Variants in SHANK2 observed in about 807,000 individuals in gnomAD.
SHANK2 encodes SH3 and multiple ankyrin repeat domains 2.
A neutral mutation model predicts 133.7 loss-of-function variants in SHANK2; 43 were observed. The observed-to-expected ratio is 0.32, with a 90% CI of 0.25 to 0.41. SHANK2 has a LOEUF of 0.41. Among genes scored for constraint, SHANK2 ranks in the 10% least tolerant of loss-of-function variants. The probability of loss-of-function intolerance (pLI) is 1.00; values close to 1 mark genes in which losing one functional copy is unlikely to be tolerated. For synonymous variants in SHANK2, 1,017 were observed against 952.8 expected, an observed-to-expected ratio of 1.07 and a Z score of -1.24; for missense variants, 1,994 against 2,235.8, an observed-to-expected ratio of 0.89 and a Z score of 2.18.
At chr11:70,950,542 C>T (rs1950818489) in intron 10 of SHANK2, among the ~76,000 whole-genome samples, 1 of 152,218 alleles carries the variant, frequency 6.6e-6, no homozygotes, top group Admixed American at 6.5e-5. Context: ...GGGCTCTACC[C>T]TCATGATGTA....
chr11:70,730,906 A>T (rs1555032008), intron 14 of SHANK2, among the ~76,000 whole-genome samples: 1 of 150,002 alleles, frequency 6.7e-6, no homozygotes. Context: ...ATTTGTTGGC[A>T]GTTAACACAT....
intron 2 of SHANK2, among the ~76,000 whole-genome samples, chr11:71,192,157 G>A (rs1177236543): frequency 1.3e-5 from 2 of 152,138 alleles, no homozygotes; most frequent in Non-Finnish European, 2.9e-5. Flanking sequence ...CACCACACCC[G>A]GCCTTCATCT....
chr11:71,226,454 AC>A (rs1954646018), intron 1 of SHANK2: 1 of 152,252 alleles, frequency 6.6e-6, no homozygotes, highest in African/African-American at 2.4e-5. Context: ...CAGAAGCTGA[AC>A]GAATCCCAAA....
chr11:70,564,668 C>T (rs1211484304), intron 17 of SHANK2, among the ~76,000 whole-genome samples: 1 of 152,020 alleles, frequency 6.6e-6, no homozygotes, highest in African/African-American at 2.4e-5. Flanking sequence ...GACTGATGTT[C>T]TTTTAAAAAG....
chr11:71,241,070 C>A (rs1954882859), intron 1 of SHANK2: 1 of 152,112 alleles, frequency 6.6e-6, no homozygotes, highest in African/African-American at 2.4e-5. Context: ...TTGGTACAAC[C>A]CCTGGGAAAG....
chr11:70,892,683 G>C (rs1949866877), intron 11 of SHANK2, among the ~76,000 whole-genome samples: 1 of 152,152 alleles, frequency 6.6e-6, no homozygotes, highest in Non-Finnish European at 1.5e-5. Context: ...TCGGTGCCCT[G>C]CCTGCATCTC....
chr11:70,617,996 A>T (rs1184214210), intron 17 of SHANK2, among the ~76,000 whole-genome samples: 4 of 152,100 alleles, frequency 2.6e-5, no homozygotes, highest in East Asian at 3.8e-4. Flanking sequence ...AATAATAATA[A>T]AAAAAAGATG....
chr11:71,103,260 A>C (rs1951747601), intron 6 of SHANK2, among the ~76,000 whole-genome samples: 1 of 152,220 alleles, frequency 6.6e-6, no homozygotes, highest in Non-Finnish European at 1.5e-5. Context: ...TACAGAGCTG[A>C]GGCCTGGCAA....
In SHANK2 at chr11:70,500,634, C is replaced by T. The variant is rs377169055; in HGVS notation, c.2288-44G>A. On this transcript the variant is annotated intron_variant, in intron 20 of 25. Transcript: ENST00000601538. The surrounding 1 kb of genome is among the most constrained non-coding windows in gnomAD (Gnocchi z 4.5). ...ACCGCCATGAGCCACCAGGATGCAG[C>T]GCCCGCCCGCAGCCTACACTCGGGC... The T allele has an allele frequency of 7.3e-5, 115 of 1,585,872 alleles. 1 individual carries two copies. The East Asian group carries it at 1.9e-3, about 26-fold the overall frequency.
At chr11:70,698,817 C>A (rs782818182) in intron 14 of SHANK2, 54 bp from the exon 15 acceptor site, 1 of 718,086 alleles carries the variant, frequency 1.4e-6, no homozygotes, top group South Asian at 1.5e-5. Flanking sequence ...TCCCCGAACG[C>A]GGAACCCACA....
At chr11:70,811,502 C>A (rs1251523261) in intron 12 of SHANK2, among the ~76,000 whole-genome samples, 1 of 152,048 alleles carries the variant, frequency 6.6e-6, no homozygotes, top group African/African-American at 2.4e-5. Context: ...CCTCCTTGCC[C>A]AAATACCTGT....
At chr11:71,182,358 C>T (rs896750405) in intron 2 of SHANK2, among the ~76,000 whole-genome samples, 27 of 152,134 alleles carry the variant, frequency 1.8e-4, no homozygotes, top group African/African-American at 5.6e-4. Flanking sequence ...GGGACTACCA[C>T]GACAAAGTAC....
In SHANK2 at chr11:70,741,988, C is replaced by T. The variant is rs140711181; in HGVS notation, c.1778-43225G>A. On this transcript the variant is annotated intron_variant, in intron 14 of 25. Coordinates refer to ENST00000601538, the MANE Select transcript of SHANK2 (RefSeq NM_012309.5). ...GAATTCCAGATTCCCACCTGGTTCCCCTGCTGCCCCAGCTACAGGACTGGT... is the reference window on the plus strand; with the variant it reads ...GAATTCCAGATTCCCACCTGGTTCCTCTGCTGCCCCAGCTACAGGACTGGT... Among the ~76,000 whole-genome samples, 10 of 152,304 alleles carry T rather than the reference C, an allele frequency of 6.6e-5. No homozygotes were observed. The East Asian group carries it at 1.5e-3, about 24-fold the overall frequency.
chr11:70,850,601 C>T (rs1431073588), intron 11 of SHANK2, among the ~76,000 whole-genome samples: 5 of 152,226 alleles, frequency 3.3e-5, no homozygotes, highest in Admixed American at 2.6e-4. Context: ...CCGAGCTGAG[C>T]TCTCTCCCAA....
intron 14 of SHANK2, among the ~76,000 whole-genome samples, chr11:70,716,957 T>G (rs1945943279): frequency 7.0e-6 from 1 of 142,460 alleles, no homozygotes; most frequent in Admixed American, 6.9e-5. Context: ...TCGGCCTTTG[T>G]GGGCAAGAGG....
rs144338297 is a variant in SHANK2 at position 71,211,459 on chromosome 11, G to A, written c.-13+13238C>T. Reference sequence around the variant, plus strand: ...GGGCTGAGGCGAGAGAATCACTTCAGCTAGGGAGGTCAAAGCTGCAGTGAG... The same window carrying A: ...GGGCTGAGGCGAGAGAATCACTTCAACTAGGGAGGTCAAAGCTGCAGTGAG... On this transcript the variant is annotated intron_variant, in intron 2 of 25. Coordinates refer to ENST00000601538, the MANE Select transcript of SHANK2 (RefSeq NM_012309.5). Among the ~76,000 whole-genome samples, 316 of 151,852 alleles carry A rather than the reference G, an allele frequency of 2.1e-3. 5 individuals carry two copies. The highest frequency in any genetic ancestry group is 7.4e-3 in the African/African-American group (306 of 41,416).
intron 10 of SHANK2, among the ~76,000 whole-genome samples, chr11:70,909,872 G>T (rs1238972765): frequency 6.6e-6 from 1 of 152,218 alleles, no homozygotes; most frequent in Non-Finnish European, 1.5e-5. Context: ...GTATGAGTTT[G>T]ATCAGGCTGC....
At chr11:70,600,452 AAAGAAAAAAAG>A (rs2136320636) in intron 17 of SHANK2, among the ~76,000 whole-genome samples, 1 of 151,810 alleles carries the variant, frequency 6.6e-6, no homozygotes, top group South Asian at 2.1e-4. Context: ...AGAAAAAGAA[AAAGAAAAAAAG>A]AAGAAAAAGA....
chr11:71,092,533 C>T lies in SHANK2; in HGVS notation c.801G>A (p.Pro267=), dbSNP rs1225148222. 4.1e-5 allele frequency: 64 copies of T among 1,551,564 alleles called. No individual in the cohort carries two copies. In the Admixed American group the frequency reaches 1.0e-3, roughly 24 times the overall value. The change falls in exon 8 of 26, where the codon CCG becomes CCA. Residue 267 remains proline (P), a synonymous_variant. Transcript: ENST00000601538. Reference sequence around the variant, plus strand: ...CTCCGACGATGGCTGTGTGATACAGCGGGGTGAGGCCGTAACTGTCTTTAT... The same window carrying T: ...CTCCGACGATGGCTGTGTGATACAGTGGGGTGAGGCCGTAACTGTCTTTAT... ...PDYKDSYGLT[P]LYHTAIVGGD... is the part of the protein sequence containing the mutation.
Sources: gnomAD v4.1 joint callset for allele counts (sites outside exome capture counted in the v4.1 genomes callset) on GRCh38, gnomAD v4.1.1 for gene constraint, Gnocchi (gnomAD v3.1) non-coding constraint, MANE v1.5 for transcripts, NCBI Gene and HGNC (gene_info 2026-07-23, HGNC 2026-07-21) for gene names.